The following FBXL2 variants were observed in gnomAD, a reference collection of about 807,000 sequenced individuals.
FBXL2 encodes the protein F-box and leucine rich repeat protein 2, also known as F-box/LRR-repeat protein 2.
Under a neutral mutation model 69.2 loss-of-function variants are expected in FBXL2, and 38 were observed. The observed-to-expected ratio is 0.55, with a 90% confidence interval of 0.42 to 0.72. The LOEUF (loss-of-function observed/expected upper bound fraction) is 0.72. Ranked by LOEUF, FBXL2 falls within the 30% of genes least tolerant of loss-of-function variation. The pLI is 0.00. For synonymous variants in FBXL2, 192 were observed against 201.3 expected, an observed-to-expected ratio of 0.95 and a Z score of 0.39; for missense variants, 354 against 520.3, an observed-to-expected ratio of 0.68 and a Z score of 3.11.
At chr3:33,402,044 C>A (rs1327990753) in intron 12 of FBXL2, among the ~76,000 whole-genome samples, 1 of 152,188 alleles carries the variant, frequency 6.6e-6, no homozygotes, top group Non-Finnish European at 1.5e-5. Context: ...TCTCATCAGA[C>A]CTTGTCAGCA....
intron 10 of FBXL2, among the ~76,000 whole-genome samples, chr3:33,376,932 C>T (rs1464217941): frequency 6.6e-6 from 1 of 152,094 alleles, no homozygotes; most frequent in Non-Finnish European, 1.5e-5. Flanking sequence ...ACCTGGGAGG[C>T]GGAGGCTGCA....
chr3:33,379,134 G>C (rs2042843037), intron 13 of FBXL2, among the ~76,000 whole-genome samples: 1 of 151,900 alleles, frequency 6.6e-6, no homozygotes, highest in African/African-American at 2.4e-5. Context: ...AGCCTTGCGG[G>C]GGGATTACAA....
chr3:33,385,360 G>A, intron 14 of FBXL2, 141 bp from the exon 15 acceptor site: 1 of 788,638 alleles, frequency 1.3e-6, no homozygotes, highest in Middle Eastern at 3.2e-4. Context: ...AGTAACAGGA[G>A]TAGCTCTAAT....
At chr3:33,411,858 A>G in the FBXL2 span, among the ~76,000 whole-genome samples, 1 of 152,000 alleles carries the variant, frequency 6.6e-6, no homozygotes, top group Non-Finnish European at 1.5e-5. Flanking sequence ...AACGAATATC[A>G]TCGTTTCCCC....
intron 12 of FBXL2, among the ~76,000 whole-genome samples, chr3:33,394,191 TTTATTATTA>T (rs148929407): frequency 1.0e-3 from 146 of 143,410 alleles, no homozygotes; most frequent in East Asian, 2.1e-3. Flanking sequence ...CTGGCTAATT[TTTATTATTA>T]TTATTATTAT....
chr3:33,299,105 G>A (rs1241800233), intron 2 of FBXL2, among the ~76,000 whole-genome samples: 2 of 151,252 alleles, frequency 1.3e-5, no homozygotes, highest in Admixed American at 6.6e-5. Context: ...GCAATGGCAT[G>A]ATCTCGGCTC....
chr3:33,382,775 T>C (rs1276044121), intron 13 of FBXL2: 1 of 152,176 alleles, frequency 6.6e-6, no homozygotes, highest in Non-Finnish European at 1.5e-5. Flanking sequence ...TGAAAAACAA[T>C]TGTAACATCA....
rs753813866 is a variant in FBXL2, at chr3:33,364,628, C to G, written c.199C>G (p.Arg67Gly). 3.1e-6 allele frequency: 5 copies of G among 1,613,864 alleles called. No individual in the cohort carries two copies. The South Asian group carries it at 3.3e-5, about 11-fold the overall frequency. ...LFNFQTDVEG[R>G]VVENISKRCG... ...TCCCGAACTTTCTTGATTAAAGGGT[C>G]GAGTGGTGGAAAATATCTCGAAGCG... The change falls in exon 5 of 15, where the codon CGA becomes GGA. Residue 67 changes from arginine (R) to glycine (G), a missense_variant. Transcript: ENST00000484457.
intron 1 of FBXL2, among the ~76,000 whole-genome samples, chr3:33,289,346 G>A (rs937562554): frequency 2.0e-5 from 3 of 152,044 alleles, no homozygotes; most frequent in African/African-American, 7.2e-5. Context: ...CCATCAAAAA[G>A]GATAATAAAG....
chr3:33,398,901 C>G (rs986201810), intron 12 of FBXL2, among the ~76,000 whole-genome samples: 2 of 152,220 alleles, frequency 1.3e-5, no homozygotes, highest in African/African-American at 4.8e-5. Context: ...GTTTTTCACA[C>G]ATAAAAGGCT....
At chr3:33,388,195 G>GAAAAT (rs1553668185), downstream of FBXL2, 1 of 151,960 alleles carries the variant, frequency 6.6e-6, no homozygotes, top group African/African-American at 2.4e-5. Flanking sequence ...TCAGCTTTCA[G>GAAAAT]AAAATAAACT....
intron 12 of FBXL2, chr3:33,393,131 T>C: frequency 1.5e-6 from 1 of 669,066 alleles, no homozygotes; most frequent in African/African-American, 1.9e-5. Flanking sequence ...TTGTATTCCA[T>C]ATTATCACTA....
At chr3:33,408,882 A>C in the FBXL2 span, 1 of 1,166,924 alleles carries the variant, frequency 8.6e-7, no homozygotes, top group South Asian at 1.3e-5. Flanking sequence ...TCTTCAGTCC[A>C]ATTAAACAAA....
intron 2 of FBXL2, among the ~76,000 whole-genome samples, chr3:33,308,808 T>C (rs2036935371): frequency 6.6e-6 from 1 of 152,232 alleles, no homozygotes; most frequent in Admixed American, 6.5e-5. Context: ...TTTTCATTTA[T>C]TGCAAGATTT....
At chr3:33,389,919 C>T (rs1185029287), downstream of FBXL2, 1 of 168,616 alleles carries the variant, frequency 5.9e-6, no homozygotes, top group Non-Finnish European at 1.3e-5. Flanking sequence ...CTCTCCAGGT[C>T]AGCATAAGGT....
At chr3:33,317,364 A>G (rs1447589695) in intron 2 of FBXL2, 3 of 423,466 alleles carry the variant, frequency 7.1e-6, no homozygotes, top group Non-Finnish European at 1.4e-5. Flanking sequence ...CACTGCATCC[A>G]ATTCATAGTT....
At chr3:33,379,893 G>A (rs907135327) in intron 13 of FBXL2, among the ~76,000 whole-genome samples, 3 of 152,070 alleles carry the variant, frequency 2.0e-5, no homozygotes, top group African/African-American at 7.2e-5. Flanking sequence ...AACTAAAGAA[G>A]AAAAATTACA....
chr3:33,366,067 A>G (rs902149611), intron 5 of FBXL2, among the ~76,000 whole-genome samples: 2 of 152,246 alleles, frequency 1.3e-5, no homozygotes, highest in African/African-American at 4.8e-5. Flanking sequence ...CACTCACTTT[A>G]AATGTTATGG....
chr3:33,319,890 T>C (rs1273216253), intron 2 of FBXL2, among the ~76,000 whole-genome samples: 3 of 152,174 alleles, frequency 2.0e-5, no homozygotes, highest in East Asian at 1.9e-4. Flanking sequence ...CCAAAAAATA[T>C]GTAAGATATC....
Sources: allele counts gnomAD v4.1 joint callset (sites outside exome capture counted in the v4.1 genomes callset), GRCh38; gene constraint gnomAD v4.1.1; transcripts MANE v1.5; gene names NCBI Gene and HGNC (gene_info 2026-07-23, HGNC 2026-07-21).